Variants in TOMM20 observed in about 807,000 individuals in gnomAD.
The protein encoded by TOMM20 is mitochondrial import receptor subunit TOM20 homolog.
In TOMM20, 10 loss-of-function variants were observed where a neutral mutation model predicts 22.1. The observed-to-expected ratio is 0.45, with a 90% CI of 0.28 to 0.77. The LOEUF (loss-of-function observed/expected upper bound fraction) is 0.77, where lower values mean the gene tolerates loss of function less well. Ranked by LOEUF, TOMM20 falls within the 30% of genes least tolerant of loss-of-function variation. TOMM20 has a pLI of 0.13. For synonymous variants in TOMM20, 55 were observed against 61.4 expected (o/e 0.90, Z 0.49); for missense variants, 121 against 172.2 (o/e 0.70, Z 1.66).
chr1:235,120,034 C>T (rs560898854), intron 2 of TOMM20, 135 bp from the exon 3 acceptor site: 2 of 532,676 alleles, frequency 3.8e-6, no homozygotes, highest in Admixed American at 3.5e-5. Context: ...GAACTTTACT[C>T]CTGAATACTT....
At chr1:235,116,951 T>G (rs7530956) in intron 3 of TOMM20, among the ~76,000 whole-genome samples, 5 of 149,568 alleles carry the variant, frequency 3.3e-5, no homozygotes, top group African/African-American at 2.5e-5. Context: ...CTGGCTAACA[T>G]GGTGAAACCC....
chr1:235,115,921 A>G (rs1660820172), intron 3 of TOMM20, among the ~76,000 whole-genome samples: 1 of 152,172 alleles, frequency 6.6e-6, no homozygotes. Flanking sequence ...AACCCACTAC[A>G]TGTACATGTG....
intron 3 of TOMM20, among the ~76,000 whole-genome samples, chr1:235,114,657 T>G (rs935924926): frequency 8.6e-5 from 13 of 151,972 alleles, no homozygotes; most frequent in African/African-American, 2.9e-4. Context: ...CAAGATGGTC[T>G]CCATCTCCTG....
chr1:235,122,528 G>C (rs1660945682), intron 1 of TOMM20, 156 bp from the exon 2 acceptor site: 1 of 596,708 alleles, frequency 1.7e-6, no homozygotes, highest in Non-Finnish European at 2.8e-6. Context: ...CATATGACAT[G>C]TTCTGGTCAA....
At chr1:235,120,211 T>G (rs1189836932) in intron 2 of TOMM20, among the ~76,000 whole-genome samples, 2 of 152,362 alleles carry the variant, frequency 1.3e-5, no homozygotes, top group East Asian at 3.9e-4. Context: ...TTGTAGATTT[T>G]TATACAACTG....
At chr1:235,127,853 T>A (rs1257751566) in intron 1 of TOMM20, 1 of 519,120 alleles carries the variant, frequency 1.9e-6, no homozygotes, top group Non-Finnish European at 3.8e-6. Flanking sequence ...GCGCAGCCCT[T>A]TGGACTCCCC....
At chr1:235,127,381 A>G (rs1661042119) in intron 1 of TOMM20, among the ~76,000 whole-genome samples, 1 of 152,242 alleles carries the variant, frequency 6.6e-6, no homozygotes, top group African/African-American at 2.4e-5. Flanking sequence ...TCTGAATGTA[A>G]AACAGTATTC....
chr1:235,128,554 G>A (rs754847156), intron 1 of TOMM20, 41 bp downstream of exon 1: 17 of 1,611,074 alleles, frequency 1.1e-5, no homozygotes, highest in East Asian at 8.9e-5. Context: ...GGCGGCGGCC[G>A]AAGGCAGCAA....
rs1660731040 is a variant in TOMM20 at position 235,111,025 on chromosome 1, G to A, written c.*1039C>T. On this transcript the variant is annotated 3_prime_UTR_variant, in exon 5 of 5. Transcript: ENST00000366607. ...ATTAAGGAGGTACACTGAAGATAAA[G>A]CAAAAGGCAACAAGCATTTTTACAA... The A allele has an allele frequency of 6.6e-6, 1 of 152,118 alleles. No individual in the cohort carries two copies. Among genetic ancestry groups the A allele is most frequent in the Non-Finnish European group, 1.5e-5 (1 of 68,022 alleles). The allele number at this position is 152,118 out of a possible 1,614,324, so 9.4% of individuals were successfully genotyped here.
Position 235,118,283 on chromosome 1 carries a change from T to C in TOMM20, c.250+1535A>G, listed in dbSNP as rs1024887767. 9.8e-5 allele frequency among the ~76,000 whole-genome samples: 15 copies of C among 152,292 alleles called. No individual in the cohort carries two copies. In the East Asian group the frequency reaches 2.9e-3, roughly 29 times the overall value. ...GGTATCTTTTGTTAATACAACAGCA[T>C]GGAGAATATCATAAAATCTATCTAT... On this transcript the variant is annotated intron_variant, in intron 3 of 4. Coordinates refer to ENST00000366607, the MANE Select transcript of TOMM20 (RefSeq NM_014765.3).
chr1:235,121,837 A>C (rs898552025), intron 2 of TOMM20, among the ~76,000 whole-genome samples: 1 of 152,242 alleles, frequency 6.6e-6, no homozygotes, highest in Admixed American at 6.5e-5. Context: ...AAAATAAATT[A>C]CAAGTTTTAT....
intron 3 of TOMM20, 79 bp from the exon 4 acceptor site, chr1:235,113,989 AATG>A (rs1368055507): frequency 1.4e-6 from 2 of 1,461,208 alleles, no homozygotes; most frequent in African/African-American, 2.8e-5. Flanking sequence ...ACTATCTCCA[AATG>A]ATGCTGACCA....
In TOMM20 at chr1:235,128,650, G is replaced by A; in HGVS notation, c.66C>T (p.Ile22=). Residue 22 remains isoleucine, a synonymous_variant, in exon 1 of 5, where the codon ATC becomes ATT. Coordinates refer to ENST00000366607, the MANE Select transcript of TOMM20 (RefSeq NM_014765.3). The part of the protein sequence containing the change: ...VCGALFIGYC[I]YFDRKRRSDP... ...CACTTCGTCTTTTGCGGTCGAAGTA[G>A]ATGCAGTACCCAATGAAAAGGGCCC... 1.2e-6 allele frequency: 2 copies of A among 1,613,956 alleles called. No individual in the cohort carries two copies. The highest frequency in any genetic ancestry group is 2.2e-5 in the South Asian group (2 of 91,078).
intron 1 of TOMM20, among the ~76,000 whole-genome samples, chr1:235,127,544 T>C (rs1450907534): frequency 6.6e-6 from 1 of 152,218 alleles, no homozygotes; most frequent in African/African-American, 2.4e-5. Flanking sequence ...TGAAATGACT[T>C]AGTATAGCTG....
At chr1:235,128,029 C>G (rs1261565977) in intron 1 of TOMM20, 1 of 353,934 alleles carries the variant, frequency 2.8e-6, no homozygotes, top group Non-Finnish European at 5.6e-6. Context: ...CAAAAAATCA[C>G]CGGGCGTGGT....
intron 3 of TOMM20, among the ~76,000 whole-genome samples, chr1:235,116,499 CT>C (rs1320152783): frequency 4.0e-5 from 6 of 151,246 alleles, no homozygotes; most frequent in Non-Finnish European, 8.8e-5. Context: ...GATCATGCCA[CT>C]GCACTCCAGC....
chr1:235,126,874 T>C (rs1395314184), intron 1 of TOMM20, among the ~76,000 whole-genome samples: 2 of 152,204 alleles, frequency 1.3e-5, no homozygotes, highest in African/African-American at 4.8e-5. Context: ...AACTCTACAC[T>C]ATACCATTTT....
chr1:235,119,791 T>A, intron 3 of TOMM20, 27 bp downstream of exon 3: 1 of 1,507,376 alleles, frequency 6.6e-7, no homozygotes, highest in Non-Finnish European at 9.1e-7. Context: ...ATTCTACCCA[T>A]TTCCTTAGCT....
intron 4 of TOMM20, among the ~76,000 whole-genome samples, chr1:235,112,404 A>G (rs1050086635): frequency 6.6e-6 from 1 of 152,154 alleles, no homozygotes; most frequent in African/African-American, 2.4e-5. Context: ...CAGTAGCACA[A>G]TCTCAGCTCA....
Sources: gnomAD v4.1 joint callset for allele counts (sites outside exome capture counted in the v4.1 genomes callset) on GRCh38, gnomAD v4.1.1 for gene constraint, MANE v1.5 for transcripts, NCBI Gene and HGNC (gene_info 2026-07-23, HGNC 2026-07-21) for gene names.